The following MRPL42 variants were observed in gnomAD, a reference collection of about 807,000 sequenced individuals.
The protein encoded by MRPL42 is large ribosomal subunit protein mL42.
MRPL42 carries 17 observed loss-of-function variants against 17.9 expected under a neutral mutation model. That is an observed-to-expected ratio of 0.95 (90% CI 0.65 to 1.42). The LOEUF is 1.42. MRPL42 is among the 40% of genes most tolerant of loss of function. MRPL42 has a pLI of 0.00. For synonymous variants in MRPL42, 59 were observed against 54.4 expected (o/e 1.08, Z -0.37); for missense variants, 177 against 175.2 (o/e 1.01, Z -0.06).
At chr12:93,467,908 A>G (rs1461781973) in intron 1 of MRPL42, among the ~76,000 whole-genome samples, 3 of 151,834 alleles carry the variant, frequency 2.0e-5, no homozygotes, top group Non-Finnish European at 4.4e-5. Context: ...GAGGGACTTG[A>G]TCTCTGAAAT....
At position 93,476,897 on chromosome 12, in the gene MRPL42, A is replaced by G. The variant is rs1880207728; in HGVS notation, c.71-57A>G. On this transcript the variant is annotated intron_variant, in intron 2 of 5. Coordinates refer to ENST00000549982, the MANE Select transcript of MRPL42 (RefSeq NM_014050.4). ...AATGAGTAAAACTAGCTTTAAATTT[A>G]TGGAGAAAATATGCTCAAATTAACC... is the stretch of plus-strand genomic sequence containing the variant. 8 of 1,469,354 alleles carry G rather than the reference A, an allele frequency of 5.4e-6. No individual in the cohort carries two copies. The South Asian group carries it at 9.2e-5, about 17-fold the overall frequency. 91.0% of individuals were successfully genotyped at this position (1,469,354 alleles called of 1,614,324 possible).
intron 5 of MRPL42, among the ~76,000 whole-genome samples, chr12:93,488,096 G>T (rs1400356619): frequency 6.6e-6 from 1 of 152,012 alleles, no homozygotes; most frequent in African/African-American, 2.4e-5. Flanking sequence ...TCAGCCTCCT[G>T]AGTAGCTGGG....
chr12:93,477,563 A>G (rs901700953), intron 3 of MRPL42, among the ~76,000 whole-genome samples: 1 of 152,210 alleles, frequency 6.6e-6, no homozygotes, highest in African/African-American at 2.4e-5. Context: ...AAATTATAAT[A>G]AAAATATTTT....
At position 93,511,226 on chromosome 12, in the gene MRPL42, TAATC is replaced by T. The variant is rs1953722755; in HGVS notation, c.*10008_*10011del. 1 of 152,064 alleles carries T rather than the reference TAATC, an allele frequency of 6.6e-6. No individual in the cohort carries two copies. Among genetic ancestry groups the T allele is most frequent in the Non-Finnish European group, 1.5e-5 (1 of 67,988 alleles). 9.4% of individuals were successfully genotyped at this position (152,064 alleles called of 1,614,324 possible). A position where few individuals can be genotyped will look rare whatever the true frequency, so the allele number is the denominator to read the frequency against. On this transcript the variant is annotated 3_prime_UTR_variant, in exon 6 of 6. Coordinates refer to ENST00000549982, the MANE Select transcript of MRPL42 (RefSeq NM_014050.4). ...AGTTCTGGCAAATGAAGCAATAAAA[TAATC>T]AAAACTAAATCAACATTTAAATACA...
At chr12:93,482,947 A>G (rs1334095520) in intron 4 of MRPL42, among the ~76,000 whole-genome samples, 1 of 151,126 alleles carries the variant, frequency 6.6e-6, no homozygotes, top group Non-Finnish European at 1.5e-5. Flanking sequence ...GCTAGAATGC[A>G]GTGGTGTGAT....
At chr12:93,499,922 GAAAACA>G (rs1398465539) in intron 5 of MRPL42, among the ~76,000 whole-genome samples, 1 of 152,054 alleles carries the variant, frequency 6.6e-6, no homozygotes, top group Non-Finnish European at 1.5e-5. Flanking sequence ...GCAAAAGATT[GAAAACA>G]AAAATTAACT....
chr12:93,470,413 G>A, intron 2 of MRPL42: 1 of 1,190,816 alleles, frequency 8.4e-7, no homozygotes, highest in Admixed American at 2.9e-5. Context: ...GACATGTATA[G>A]AAGGCAACAG....
chr12:93,472,227 A>G lies in MRPL42; in HGVS notation c.70+2872A>G, dbSNP rs372032305. Reference sequence around the variant, plus strand: ...AATCATTCCATTATCAGTTATCCTAATACTCAGTGACCTAACTTCTTATAT... The same window carrying G: ...AATCATTCCATTATCAGTTATCCTAGTACTCAGTGACCTAACTTCTTATAT... On this transcript the variant is annotated intron_variant, in intron 2 of 5. Coordinates refer to ENST00000549982, the MANE Select transcript of MRPL42 (RefSeq NM_014050.4). Among the ~76,000 whole-genome samples the G allele has an allele frequency of 1.2e-3, 187 of 152,296 alleles. 5 individuals are homozygous for G. The South Asian group carries it at 0.03, about 24-fold the overall frequency.
At chr12:93,482,951 G>A (rs1880534287) in intron 4 of MRPL42, among the ~76,000 whole-genome samples, 1 of 151,618 alleles carries the variant, frequency 6.6e-6, no homozygotes, top group Non-Finnish European at 1.5e-5. Flanking sequence ...GAATGCAGTG[G>A]TGTGATCTTG....
At chr12:93,488,485 A>G in intron 5 of MRPL42, 1 of 380,264 alleles carries the variant, frequency 2.6e-6, no homozygotes, top group Non-Finnish European at 4.7e-6. Flanking sequence ...GCTTTCAGTG[A>G]ATTTTGTAAG....
At position 93,504,856 on chromosome 12, in the gene MRPL42, A is replaced by G. The variant is rs550092418; in HGVS notation, c.*3635A>G. 2.0e-5 allele frequency: 3 copies of G among 152,328 alleles called. No homozygotes were observed. The highest frequency in any genetic ancestry group is 6.5e-5 in the Admixed American group (1 of 15,298). 9.4% of individuals were successfully genotyped at this position (152,328 alleles called of 1,614,324 possible). A position where few individuals can be genotyped will look rare whatever the true frequency, so the allele number is the denominator to read the frequency against. On this transcript the variant is annotated 3_prime_UTR_variant, in exon 6 of 6. Coordinates refer to ENST00000549982, the MANE Select transcript of MRPL42 (RefSeq NM_014050.4). Reference sequence around the variant, plus strand: ...AAATGTCCATATCCCCTACTAGCCTATAAGCTCCATGACTTCTAGGTACCC... The same window carrying G: ...AAATGTCCATATCCCCTACTAGCCTGTAAGCTCCATGACTTCTAGGTACCC...
intron 4 of MRPL42, 25 bp downstream of exon 4, chr12:93,479,497 G>GT (rs1307018741): frequency 6.6e-7 from 1 of 1,516,362 alleles, no homozygotes; most frequent in Non-Finnish European, 9.1e-7. Context: ...ATTTCTTGCA[G>GT]TTTTTAATTT....
At chr12:93,496,060 T>C (rs1953495045) in intron 5 of MRPL42, among the ~76,000 whole-genome samples, 1 of 152,186 alleles carries the variant, frequency 6.6e-6, no homozygotes, top group African/African-American at 2.4e-5. Context: ...TTGGGTTTTT[T>C]GTTTTTGTTT....
At chr12:93,476,134 C>T (rs1880161121) in intron 2 of MRPL42, among the ~76,000 whole-genome samples, 1 of 152,062 alleles carries the variant, frequency 6.6e-6, no homozygotes. Flanking sequence ...TTCATCACTT[C>T]ACCACCACCA....
At position 93,472,431 on chromosome 12, in the gene MRPL42, C is replaced by T. The variant is rs59205352; in HGVS notation, c.70+3076C>T. On this transcript the variant is annotated intron_variant, in intron 2 of 5. Transcript: ENST00000549982. ...TTTCTACAAAAGTTACAAAAATTAG[C>T]TGGGCGAGGTGGTACACGCCTGTGG... Among the ~76,000 whole-genome samples, 251 of 152,108 alleles carry T rather than the reference C, an allele frequency of 1.7e-3. 1 individual carries two copies. Among genetic ancestry groups the T allele is most frequent in the African/African-American group, 5.8e-3 (242 of 41,494 alleles).
In MRPL42 at chr12:93,514,393, C is replaced by T. The variant is rs1318071810; in HGVS notation, c.*13172C>T. On this transcript the variant is annotated 3_prime_UTR_variant, in exon 6 of 6. Transcript: ENST00000549982. ...GCTCAAGCGATTCTTGTGCCTCAGC[C>T]TCCTGAGTAGCTGGGATTACAGGCA... The T allele has an allele frequency of 4.0e-5, 6 of 151,162 alleles. No homozygotes were observed. Among genetic ancestry groups the T allele is most frequent in the Non-Finnish European group, 8.8e-5 (6 of 67,924 alleles). 9.4% of individuals were successfully genotyped at this position (151,162 alleles called of 1,614,324 possible).
At position 93,491,988 on chromosome 12, in the gene MRPL42, G is replaced by A. The variant is rs1304610694; in HGVS notation, c.383+4328G>A. Among the ~76,000 whole-genome samples, 3 of 152,170 alleles carry A rather than the reference G, an allele frequency of 2.0e-5. No homozygotes were observed. The East Asian group carries it at 5.8e-4, about 29-fold the overall frequency. On this transcript the variant is annotated intron_variant, in intron 5 of 5. Transcript: ENST00000549982. The stretch of plus-strand genomic sequence containing the variant: ...GTCTGTATAGTATTCCATGGTGTAT[G>A]TGTACCACATTTTCTTTATCCAGTT...
chr12:93,478,810 A>G (rs1880311973), intron 3 of MRPL42, among the ~76,000 whole-genome samples: 2 of 152,154 alleles, frequency 1.3e-5, no homozygotes, highest in Non-Finnish European at 2.9e-5. Flanking sequence ...TTAAGCTGAC[A>G]TATTCTGTGG....
chr12:93,469,817 G>T (rs1205981976), intron 2 of MRPL42, among the ~76,000 whole-genome samples: 1 of 152,170 alleles, frequency 6.6e-6, no homozygotes, highest in Non-Finnish European at 1.5e-5. Flanking sequence ...TCCATCATAT[G>T]CATGTGTGCA....
Sources: gnomAD v4.1 joint callset for allele counts (sites outside exome capture counted in the v4.1 genomes callset) on GRCh38, gnomAD v4.1.1 for gene constraint, MANE v1.5 for transcripts, NCBI Gene and HGNC (gene_info 2026-07-23, HGNC 2026-07-21) for gene names.